TENM1: variants seen among roughly 807,000 people sequenced by gnomAD.
TENM1 encodes the protein teneurin-1.
A neutral mutation model predicts 174.8 loss-of-function variants in TENM1; 35 were observed. The observed-to-expected ratio is 0.20, with a 90% CI of 0.15 to 0.27. The LOEUF (loss-of-function observed/expected upper bound fraction) is 0.27. Among genes scored for constraint, TENM1 ranks in the 10% least tolerant of loss-of-function variants. TENM1 has a pLI of 1.00. For synonymous variants in TENM1, 781 were observed against 798.7 expected (o/e 0.98, Z 0.37); for missense variants, 1,633 against 2,130.1 (o/e 0.77, Z 4.59).
In TENM1 at chrX:124,655,310, A is replaced by G. The variant is rs756969672; in HGVS notation, c.1169-1527T>C. Among the ~76,000 whole-genome samples, 5 of 111,979 alleles carry G rather than the reference A, an allele frequency of 4.5e-5. No homozygotes were observed. In the South Asian group the frequency reaches 1.9e-3, roughly 42 times the overall value. On this transcript the variant is annotated intron_variant, in intron 6 of 31. Coordinates refer to ENST00000422452, the Ensembl canonical transcript of TENM1. Reference sequence around the variant, plus strand: ...TTATTATTTATTGTCATATTTTCCAATGATTTCTGATGTGCCAGTTTAATA... The same window carrying G: ...TTATTATTTATTGTCATATTTTCCAGTGATTTCTGATGTGCCAGTTTAATA...
chrX:124,410,579 C>A (rs182643199), intron 25 of TENM1, among the ~76,000 whole-genome samples: 212 of 111,545 alleles, frequency 1.9e-3, no homozygotes, highest in African/African-American at 6.4e-3. Flanking sequence ...TCAGAGTGAA[C>A]AGGCAACCTA....
At chrX:124,877,412 T>C (rs578001502) in intron 3 of TENM1, among the ~76,000 whole-genome samples, 1 of 112,260 alleles carries the variant, frequency 8.9e-6, no homozygotes, top group South Asian at 3.6e-4. Flanking sequence ...ACAGTGCTTA[T>C]TTTTCCAAAA....
the TENM1 span, among the ~76,000 whole-genome samples, chrX:125,096,724 A>T: frequency 9.0e-6 from 1 of 110,825 alleles, no homozygotes; most frequent in East Asian, 2.9e-4. Flanking sequence ...ACATCAGATG[A>T]GTGTTGGTCT....
chrX:124,581,580 G>A (rs191603286), intron 11 of TENM1, among the ~76,000 whole-genome samples: 139 of 112,205 alleles, frequency 1.2e-3, no homozygotes, highest in African/African-American at 4.1e-3. Context: ...TGATTGAATG[G>A]TAGTTTTGTT....
the TENM1 span, among the ~76,000 whole-genome samples, chrX:125,064,330 A>T: frequency 0.35 from 38,308 of 110,488 alleles, 6,857 homozygotes; most frequent in African/African-American, 0.7. Flanking sequence ...AGAAAGAAAA[A>T]TTAAAAAAAA....
At chrX:124,471,387 ACTATAT>A (rs1426143683) in intron 22 of TENM1, among the ~76,000 whole-genome samples, 5 of 28,872 alleles carry the variant, frequency 1.7e-4, no homozygotes, top group African/African-American at 7.1e-4. Context: ...AATATATAGT[ACTATAT>A]ATAATATATA....
intron 25 of TENM1, among the ~76,000 whole-genome samples, chrX:124,418,882 T>C (rs750617296): frequency 4.1e-4 from 46 of 112,103 alleles, no homozygotes; most frequent in Non-Finnish European, 7.1e-4. Context: ...GGGTAGTATA[T>C]TTAAAAACAC....
chrX:124,407,792 G>C (rs1162760014), intron 25 of TENM1, among the ~76,000 whole-genome samples: 1 of 113,041 alleles, frequency 8.8e-6, no homozygotes, highest in Non-Finnish European at 1.9e-5. Context: ...TATGTGAATA[G>C]AATGAATCAA....
the TENM1 span, among the ~76,000 whole-genome samples, chrX:125,154,662 G>A: frequency 9.0e-6 from 1 of 111,094 alleles, no homozygotes. Flanking sequence ...GGACCCTCGC[G>A]GTGAGTGTTA....
chrX:124,444,900 G>A (rs1172894669), intron 23 of TENM1, among the ~76,000 whole-genome samples: 2 of 111,586 alleles, frequency 1.8e-5, no homozygotes, highest in African/African-American at 6.5e-5. Context: ...GGGCTGTCAC[G>A]TGGAGGAGGC....
intron 3 of TENM1, among the ~76,000 whole-genome samples, chrX:124,859,400 C>T (rs764099331): frequency 5.5e-5 from 6 of 108,947 alleles, no homozygotes; most frequent in Admixed American, 9.8e-5. Flanking sequence ...AAAAATTAGC[C>T]AGGCACGGTG....
At position 124,523,551 on chromosome X, in the gene TENM1, C is replaced by A. The variant is rs775906208; in HGVS notation, c.2846G>T (p.Arg949Ile). 79 of 1,209,808 alleles carry A rather than the reference C, an allele frequency of 6.5e-5. No homozygotes were observed. The highest frequency in any genetic ancestry group is 8.5e-5 in the Non-Finnish European group (76 of 895,128). Residue 949 changes from arginine to isoleucine, a missense_variant, in exon 17 of 32, where the codon AGA (arginine) becomes ATA (isoleucine). This residue lies in a region of TENM1 where 449 missense variants were observed against 636.2 expected (regional missense o/e 0.71). Transcript: ENST00000422452. ...CTGATTCCAAGGCAACCAGAGTGTT[C>A]TCTTCTCAGGCAGGAAAGGGGATCG...
chrX:125,174,150 C>T, the TENM1 span, among the ~76,000 whole-genome samples: 1 of 111,404 alleles, frequency 9.0e-6, no homozygotes, highest in Non-Finnish European at 1.9e-5. Flanking sequence ...ATGATGTGCT[C>T]ACCGTTAGAA....
the TENM1 span, among the ~76,000 whole-genome samples, chrX:125,046,895 G>T: frequency 1.8e-5 from 2 of 108,409 alleles, no homozygotes; most frequent in Admixed American, 1.0e-4. Flanking sequence ...TGTTTTGGGG[G>T]TTGGGGTAAG....
At position 124,405,049 on chromosome X, in the gene TENM1, A is replaced by T. The variant is rs779211310; in HGVS notation, c.5373T>A (p.Ala1791=). The change falls in exon 27 of 32, where the codon GCT becomes GCA. Residue 1791 remains alanine (A), a synonymous_variant. Coordinates refer to ENST00000422452, the Ensembl canonical transcript of TENM1. The stretch of plus-strand genomic sequence containing the variant: ...GCCTTACCCTCAGCCTCCTTTCAAA[A>T]GCCGAAACATTGCCTTTGTTTTGCT... The T allele has an allele frequency of 4.1e-6, 5 of 1,211,104 alleles. No homozygotes were observed. In the Admixed American group the frequency reaches 1.1e-4, roughly 26 times the overall value.
At chrX:124,610,874 A>AT (rs2050262839) in intron 11 of TENM1, among the ~76,000 whole-genome samples, 1 of 111,530 alleles carries the variant, frequency 9.0e-6, no homozygotes, top group Admixed American at 9.5e-5. Context: ...CGACTTCCTT[A>AT]TTTATGCTTT....
intron 22 of TENM1, among the ~76,000 whole-genome samples, chrX:124,478,839 G>A (rs2046787855): frequency 8.9e-6 from 1 of 112,055 alleles, no homozygotes; most frequent in South Asian, 3.7e-4. Flanking sequence ...AAACAAATTG[G>A]GCTTTCTTGA....
Position 124,861,728 on chromosome X carries a change from A to G in TENM1, c.535+32568T>C, listed in dbSNP as rs189665971. Among the ~76,000 whole-genome samples the G allele has an allele frequency of 3.6e-5, 4 of 112,558 alleles. No homozygotes were observed. The East Asian group carries it at 1.1e-3, about 31-fold the overall frequency. On this transcript the variant is annotated intron_variant, in intron 3 of 31. Coordinates refer to ENST00000422452, the Ensembl canonical transcript of TENM1. ...GACATATTAATTTAGGCAATGTCTTATATGAATCGACCTATTTGACAATTT... is the reference window on the plus strand; with the variant it reads ...GACATATTAATTTAGGCAATGTCTTGTATGAATCGACCTATTTGACAATTT...
chrX:124,621,730 G>C (rs1245721294), intron 11 of TENM1, among the ~76,000 whole-genome samples: 1 of 111,999 alleles, frequency 8.9e-6, no homozygotes, highest in African/African-American at 3.2e-5. Context: ...TTCAGATTAT[G>C]GATGCTCAAC....
Sources: gnomAD v4.1 joint callset for allele counts (sites outside exome capture counted in the v4.1 genomes callset) on GRCh38, gnomAD v4.1.1 for gene constraint, gnomAD v4.1.1 regional missense constraint, MANE v1.5 for transcripts, NCBI Gene and HGNC (gene_info 2026-07-23, HGNC 2026-07-21) for gene names.